Variants in TLN2 observed in about 807,000 individuals in gnomAD.
TLN2 encodes talin 2, also known as talin-2.
In TLN2, 118 loss-of-function variants were observed where a neutral mutation model predicts 294.7. The observed-to-expected ratio is 0.40, with a 90% CI of 0.34 to 0.47. TLN2 has a LOEUF of 0.47. TLN2 is among the 20% of genes least tolerant of loss of function. The pLI, the probability that TLN2 is intolerant of heterozygous loss-of-function variation, is 0.84. For synonymous variants in TLN2, 1,431 were observed against 1,304.5 expected, an observed-to-expected ratio of 1.10 and a Z score of -2.09; for missense variants, 3,083 against 3,282.2, an observed-to-expected ratio of 0.94 and a Z score of 1.48.
At chr15:62,565,715 G>A (rs7162902) in intron 1 of TLN2, among the ~76,000 whole-genome samples, 27,023 of 151,832 alleles carry the variant, frequency 0.18, 2,754 homozygotes, top group African/African-American at 0.28. Context: ...ATCCTCTTAC[G>A]TTTCAAATCA....
intron 41 of TLN2, among the ~76,000 whole-genome samples, chr15:62,768,080 A>T (rs1331446640): frequency 6.6e-6 from 1 of 152,152 alleles, no homozygotes; most frequent in Non-Finnish European, 1.5e-5. Context: ...CTGGGAGTTC[A>T]CACCCACATT....
intron 48 of TLN2, among the ~76,000 whole-genome samples, chr15:62,799,698 A>T (rs550195002): frequency 6.6e-6 from 1 of 152,348 alleles, no homozygotes; most frequent in East Asian, 1.9e-4. Context: ...ATGATAAAAT[A>T]ATTCCACCTA....
At position 62,511,060 on chromosome 15, in the gene TLN2, T is replaced by C. The variant is rs958534048; in HGVS notation, c.-237-78627T>C. ...CTCACCCAATGCTAGGCTCTACAGC[T>C]AAGTCGTCTTTCTGTCTTCACTATG... On this transcript the variant is annotated intron_variant, in intron 1 of 58. Transcript: ENST00000636159. Among the ~76,000 whole-genome samples the C allele has an allele frequency of 1.1e-4, 16 of 152,372 alleles. No homozygotes were observed. The East Asian group carries it at 3.1e-3, about 29-fold the overall frequency.
At chr15:62,695,251 G>A (rs900690717) in intron 14 of TLN2, among the ~76,000 whole-genome samples, 1 of 152,106 alleles carries the variant, frequency 6.6e-6, no homozygotes, top group Admixed American at 6.6e-5. Flanking sequence ...GTGACATTTT[G>A]TCTCATCTGG....
In TLN2 at chr15:62,842,159, C is replaced by T. The variant is rs1229374663; in HGVS notation, c.*1549C>T. The T allele has an allele frequency of 6.6e-6, 1 of 152,078 alleles. No individual in the cohort carries two copies. Among genetic ancestry groups the T allele is most frequent in the Non-Finnish European group, 1.5e-5 (1 of 68,036 alleles). 9.4% of individuals were successfully genotyped at this position (152,078 alleles called of 1,614,324 possible). A position where few individuals can be genotyped will look rare whatever the true frequency, so the allele number is the denominator to read the frequency against. ...TTTAAAATACATAAACTTCTGACAG[C>T]TTCCCATATTTATAAGTTACTTATA... On this transcript the variant is annotated 3_prime_UTR_variant, in exon 59 of 59. Coordinates refer to ENST00000636159, the MANE Select transcript of TLN2 (RefSeq NM_015059.3).
rs150339305 is a variant in TLN2, at chr15:62,687,696, C to T, written c.1113+900C>T. 3 of 152,162 alleles carry T rather than the reference C, an allele frequency of 2.0e-5. No homozygotes were observed. In the East Asian group the frequency reaches 5.8e-4, roughly 29 times the overall value. The allele number at this position is 152,162 out of a possible 1,614,324, so 9.4% of individuals were successfully genotyped here. On this transcript the variant is annotated intron_variant, in intron 12 of 58. Coordinates refer to ENST00000636159, the MANE Select transcript of TLN2 (RefSeq NM_015059.3). ...ATCACCTCTTATCTATGCAAGATAT[C>T]ATAATAGGACATCAGAAAAAAAACT... is the stretch of plus-strand genomic sequence containing the variant.
intron 1 of TLN2, among the ~76,000 whole-genome samples, chr15:62,557,802 A>C (rs373584117): frequency 6.6e-6 from 1 of 152,160 alleles, no homozygotes; most frequent in Non-Finnish European, 1.5e-5. Flanking sequence ...TGGCCTCCCA[A>C]AGTGTTGGGA....
At chr15:62,637,823 T>C (rs2050547297) in intron 3 of TLN2, 1 of 152,256 alleles carries the variant, frequency 6.6e-6, no homozygotes, top group Admixed American at 6.6e-5. Context: ...GACTAGTTTA[T>C]GGAAGCAAAG....
At chr15:62,457,138 C>T (rs1011711251) in intron 1 of TLN2, among the ~76,000 whole-genome samples, 2 of 152,164 alleles carry the variant, frequency 1.3e-5, no homozygotes, top group South Asian at 2.1e-4. Flanking sequence ...AATTTTTTCA[C>T]GGTTCTGGAG....
chr15:62,462,664 C>A (rs1037549145), intron 1 of TLN2, among the ~76,000 whole-genome samples: 3 of 152,108 alleles, frequency 2.0e-5, no homozygotes, highest in African/African-American at 7.2e-5. Flanking sequence ...TAATGAGAGA[C>A]CAGAGCTGGA....
Position 62,595,967 on chromosome 15 carries a change from G to A in TLN2, c.-162+6205G>A, listed in dbSNP as rs570379572. On this transcript the variant is annotated intron_variant, in intron 2 of 58. Transcript: ENST00000636159. Reference sequence around the variant, plus strand: ...GTTCAAGAGCTCTGTTGCACAGCATGGTGACTACAGTTAATAATGTATTCT... The same window carrying A: ...GTTCAAGAGCTCTGTTGCACAGCATAGTGACTACAGTTAATAATGTATTCT... 8.5e-5 allele frequency among the ~76,000 whole-genome samples: 13 copies of A among 152,260 alleles called. No homozygotes were observed. The South Asian group carries it at 2.7e-3, about 32-fold the overall frequency.
At chr15:62,460,226 G>A (rs1167901790) in intron 1 of TLN2, among the ~76,000 whole-genome samples, 2 of 151,134 alleles carry the variant, frequency 1.3e-5, no homozygotes, top group African/African-American at 2.4e-5. Flanking sequence ...TGCATTTGAT[G>A]TGTTCACACC....
At chr15:62,561,075 A>G (rs1219222687) in intron 1 of TLN2, among the ~76,000 whole-genome samples, 2 of 152,268 alleles carry the variant, frequency 1.3e-5, no homozygotes, top group East Asian at 3.8e-4. Flanking sequence ...AAGAAAGAGA[A>G]CTAGCCCCAT....
At chr15:62,641,707 G>A (rs189448486) in intron 3 of TLN2, among the ~76,000 whole-genome samples, 107 of 152,104 alleles carry the variant, frequency 7.0e-4, no homozygotes, top group African/African-American at 2.4e-3. Context: ...ATTCTCTAGC[G>A]ATCTTATAGG....
intron 1 of TLN2, among the ~76,000 whole-genome samples, chr15:62,499,478 T>C (rs1310821171): frequency 6.6e-6 from 1 of 152,194 alleles, no homozygotes; most frequent in African/African-American, 2.4e-5. Context: ...GGCCTGGATA[T>C]GGCTTGAAAC....
intron 1 of TLN2, among the ~76,000 whole-genome samples, chr15:62,524,084 A>G (rs530153522): frequency 2.6e-5 from 4 of 152,204 alleles, no homozygotes; most frequent in Non-Finnish European, 4.4e-5. Context: ...CCAGTTAGGC[A>G]TTTTGTAAAC....
At position 62,800,129 on chromosome 15, in the gene TLN2, T is replaced by C. The variant is rs184882057; in HGVS notation, c.6235-239T>C. On this transcript the variant is annotated intron_variant, in intron 48 of 58. Coordinates refer to ENST00000636159, the MANE Select transcript of TLN2 (RefSeq NM_015059.3). ...AGGAGGTTTTACATAAGCTGCATGT[T>C]TGCACCTGACTTCTCCGTTCTGGCT... Among the ~76,000 whole-genome samples, 115 of 152,336 alleles carry C rather than the reference T, an allele frequency of 7.5e-4. 2 individuals carry two copies. In the Middle Eastern group the frequency reaches 0.017, roughly 23 times the overall value.
intron 45 of TLN2, among the ~76,000 whole-genome samples, chr15:62,787,040 G>A (rs2064717899): frequency 6.6e-6 from 1 of 151,962 alleles, no homozygotes; most frequent in East Asian, 1.9e-4. Context: ...AAGTAGCTGG[G>A]ACTGCAGGTG....
At chr15:62,582,807 G>C (rs2045254791) in intron 1 of TLN2, among the ~76,000 whole-genome samples, 2 of 152,152 alleles carry the variant, frequency 1.3e-5, no homozygotes, top group African/African-American at 4.8e-5. Flanking sequence ...AGGGAAGCTG[G>C]CAAGCAGGTG....
Sources: gnomAD v4.1 joint callset for allele counts (sites outside exome capture counted in the v4.1 genomes callset) on GRCh38, gnomAD v4.1.1 for gene constraint, MANE v1.5 for transcripts, NCBI Gene and HGNC (gene_info 2026-07-23, HGNC 2026-07-21) for gene names.